TTYH1: variants seen among roughly 807,000 people sequenced by gnomAD.
The protein encoded by TTYH1 is tweety family member 1, also known as protein tweety homolog 1.
TTYH1 carries 33 observed loss-of-function variants against 61.2 expected under a neutral mutation model. The ratio of observed to expected loss-of-function variants is 0.54; its 90% CI spans 0.41 to 0.72. The LOEUF (loss-of-function observed/expected upper bound fraction) is 0.72. Ranked by LOEUF, TTYH1 falls within the 30% of genes least tolerant of loss-of-function variation. TTYH1 has a pLI of 0.00. For missense variants in TTYH1, 538 were observed against 575.8 expected, an observed-to-expected ratio of 0.93 and a Z score of 0.67; for synonymous variants, 308 against 266.4, an observed-to-expected ratio of 1.16 and a Z score of -1.52.
At chr19:54,430,764 C>CG (rs2083421451) in intron 8 of TTYH1, 49 bp from the exon 9 acceptor site, 2 of 1,594,442 alleles carry the variant, frequency 1.3e-6, no homozygotes, top group African/African-American at 2.7e-5. Flanking sequence ...GAGAGAGGGC[C>CG]GGGGGCGTAT....
Position 54,415,796 on chromosome 19 carries a change from C to T in TTYH1, c.126+118C>T, listed in dbSNP as rs2083065276. ...GCTCCGCCGGAGGCTGGGGGCCGGC[C>T]CGGACTTTGGGGTTTCGGAGGGAGG... On this transcript the variant is annotated intron_variant, in intron 1 of 13. Transcript: ENST00000376530. The surrounding 1 kb of genome is among the most constrained non-coding windows in gnomAD (Gnocchi z 5.2). The T allele has an allele frequency of 8.2e-7, 1 of 1,219,884 alleles. No homozygotes were observed. Among genetic ancestry groups the T allele is most frequent in the Admixed American group, 3.1e-5 (1 of 32,154 alleles). The allele number at this position is 1,219,884 out of a possible 1,614,324, so 75.6% of individuals were successfully genotyped here.
chr19:54,426,350 T>TG (rs1199808286), intron 4 of TTYH1: 4 of 348,022 alleles, frequency 1.1e-5, no homozygotes, highest in Non-Finnish European at 2.1e-5. Flanking sequence ...CTCTGCAGGG[T>TG]GGGGTTGGGG....
intron 4 of TTYH1, among the ~76,000 whole-genome samples, chr19:54,426,216 A>T (rs954428836): frequency 6.6e-6 from 1 of 152,140 alleles, no homozygotes; most frequent in Non-Finnish European, 1.5e-5. Flanking sequence ...TACCGAGACA[A>T]GAGTTACCCG....
At position 54,419,219 on chromosome 19, in the gene TTYH1, GGCCCCCCGA is replaced by G. The variant is rs760732952; in HGVS notation, c.227_235del (p.Glu76_Pro78del). The G allele has an allele frequency of 1.9e-6, 3 of 1,610,500 alleles. No individual in the cohort carries two copies. The highest frequency in any genetic ancestry group is 2.5e-6 in the Non-Finnish European group (3 of 1,179,948). On this transcript the variant is annotated inframe_deletion, in exon 2 of 14. Transcript: ENST00000376530. This position sits in a 1 kb window ranked among gnomAD's most constrained non-coding sequence, Gnocchi z 6.1. The stretch of plus-strand genomic sequence containing the variant: ...TACCTCATCCGCTTCTGCTGCTGCC[GGCCCCCCGA>G]GCCCCCCGGGTCCAAGATCCCCTCG...
Position 54,422,324 on chromosome 19 carries a change from G to A in TTYH1, c.552G>A (p.Gln184=), listed in dbSNP as rs1355482335. The A allele has an allele frequency of 4.5e-6, 7 of 1,567,844 alleles. No homozygotes were observed. The highest frequency in any genetic ancestry group is 1.7e-4 in the Middle Eastern group (1 of 5,938). Residue 184 remains glutamine (Q), a synonymous_variant, in exon 4 of 14, where the codon CAG becomes CAA. Transcript: ENST00000376530. ...GACGGCAGGCGGAGGCTGCGGCCCA[G>A]CAGCTGCAGGGGCTGGCCTTCTGGC... ...GARRQAEAAA[Q]QLQGLAFWQG...
At chr19:54,435,776 T>C in intron 11 of TTYH1, 52 bp from the exon 12 acceptor site, 11 of 1,613,212 alleles carry the variant, frequency 6.8e-6, no homozygotes, top group Non-Finnish European at 9.3e-6. Context: ...GGGTGCAGCC[T>C]CCTGATGGGT....
intron 11 of TTYH1, 33 bp downstream of exon 11, chr19:54,435,717 G>A: frequency 1.2e-6 from 2 of 1,609,508 alleles, no homozygotes; most frequent in South Asian, 1.1e-5. Context: ...GTCCTGGGGA[G>A]GGAAGAGGAG....
At chr19:54,417,388 G>A (rs1426501670) in intron 1 of TTYH1, among the ~76,000 whole-genome samples, 3 of 148,132 alleles carry the variant, frequency 2.0e-5, no homozygotes, top group Admixed American at 6.7e-5. Flanking sequence ...ACACACACAC[G>A]CCCACCTACT....
intron 10 of TTYH1, 109 bp from the exon 11 acceptor site, chr19:54,435,433 G>A (rs1599922255): frequency 5.9e-6 from 8 of 1,359,532 alleles, no homozygotes; most frequent in Non-Finnish European, 8.0e-6. Flanking sequence ...AGAGTGGTCA[G>A]TTGACGTGTG....
rs200611339 is a variant in TTYH1 at position 54,423,978 on chromosome 19, C to T, written c.638+1568C>T. ...GAGATCGAGACCATCCTGGCTAACA[C>T]GGTGAAATCCCGTCGCTACTAAAAA... On this transcript the variant is annotated intron_variant, in intron 4 of 13. Transcript: ENST00000376530. Among the ~76,000 whole-genome samples, 44 of 152,056 alleles carry T rather than the reference C, an allele frequency of 2.9e-4. No homozygotes were observed. The East Asian group carries it at 2.9e-3, about 10-fold the overall frequency.
Position 54,416,800 on chromosome 19 carries a change from C to G in TTYH1, c.126+1122C>G, listed in dbSNP as rs1728442142. The G allele has an allele frequency of 2.3e-6, 3 of 1,294,050 alleles. No individual in the cohort carries two copies. In the African/African-American group the frequency reaches 4.6e-5, roughly 20 times the overall value. The allele number at this position is 1,294,050 out of a possible 1,614,324, so 80.2% of individuals were successfully genotyped here. On this transcript the variant is annotated intron_variant, in intron 1 of 13. Coordinates refer to ENST00000376530, the MANE Select transcript of TTYH1 (RefSeq NM_020659.4). This position sits in a 1 kb window ranked among gnomAD's most constrained non-coding sequence, Gnocchi z 7.0. Reference sequence around the variant, plus strand: ...CCCCTCGCCCACAGCCTCGCGGTTACACAACGGCCACCTCCAACAACGCCG... The same window carrying G: ...CCCCTCGCCCACAGCCTCGCGGTTAGACAACGGCCACCTCCAACAACGCCG...
intron 5 of TTYH1, 27 bp downstream of exon 5, chr19:54,426,795 G>A: frequency 1.3e-6 from 2 of 1,595,728 alleles, no homozygotes; most frequent in Non-Finnish European, 1.7e-6. Flanking sequence ...GGGGGACCCA[G>A]TGCTTGCCTG....
chr19:54,431,455 C>T, intron 10 of TTYH1: 2 of 531,280 alleles, frequency 3.8e-6, no homozygotes, highest in Non-Finnish European at 6.7e-6. Flanking sequence ...GTCCCCATCC[C>T]ACCCTCCCCG....
chr19:54,436,066 C>T lies in TTYH1; in HGVS notation c.1315-25C>T. On this transcript the variant is annotated intron_variant, in intron 12 of 13. Coordinates refer to ENST00000376530, the MANE Select transcript of TTYH1 (RefSeq NM_020659.4). The surrounding 1 kb of genome is among the most constrained non-coding windows in gnomAD (Gnocchi z 4.3). ...ATTCCCACTCCATTCCCTCCTCTCCCCCGCTACCCCGAATCTCCTAGCAGG... is the reference window on the plus strand; with the variant it reads ...ATTCCCACTCCATTCCCTCCTCTCCTCCGCTACCCCGAATCTCCTAGCAGG... 1 of 1,612,704 alleles carries T rather than the reference C, an allele frequency of 6.2e-7. No homozygotes were observed.
chr19:54,424,338 ATCATTCAT>A (rs1195159281), intron 4 of TTYH1, among the ~76,000 whole-genome samples: 1 of 152,094 alleles, frequency 6.6e-6, no homozygotes, highest in East Asian at 1.9e-4. Flanking sequence ...ACCATTAGTA[ATCATTCAT>A]TCATTCATTC....
Position 54,416,534 on chromosome 19 carries a change from G to A in TTYH1, c.126+856G>A. ...TGGGGGTGCTGGGAGTCCCGATGTGGCCCCAGGACGGGTCCTGGCCCTGCT... is the reference window on the plus strand; with the variant it reads ...TGGGGGTGCTGGGAGTCCCGATGTGACCCCAGGACGGGTCCTGGCCCTGCT... On this transcript the variant is annotated intron_variant, in intron 1 of 13. Transcript: ENST00000376530. The surrounding 1 kb of genome is among the most constrained non-coding windows in gnomAD (Gnocchi z 7.0). The A allele has an allele frequency of 3.2e-6, 1 of 316,288 alleles. No individual in the cohort carries two copies. Among genetic ancestry groups the A allele is most frequent in the Non-Finnish European group, 6.2e-6 (1 of 162,466 alleles). The allele number at this position is 316,288 out of a possible 1,614,324, so 19.6% of individuals were successfully genotyped here.
intron 10 of TTYH1, chr19:54,433,150 G>C (rs570412055): frequency 3.9e-5 from 6 of 152,320 alleles, no homozygotes; most frequent in African/African-American, 1.4e-4. Flanking sequence ...TGTGGAGGGA[G>C]GGAAGGGAAG....
chr19:54,431,211 A>T lies in TTYH1; in HGVS notation c.1125+20A>T. ...CACAAGGTGAAGCCCCTCCCCTCCC[A>T]ATTTCTTCTCCCACGGGGGGCCTCT... On this transcript the variant is annotated intron_variant, in intron 10 of 13. Coordinates refer to ENST00000376530, the MANE Select transcript of TTYH1 (RefSeq NM_020659.4). The T allele has an allele frequency of 6.3e-7, 1 of 1,587,748 alleles. No homozygotes were observed. Among genetic ancestry groups the T allele is most frequent in the Non-Finnish European group, 8.6e-7 (1 of 1,156,520 alleles).
At chr19:54,423,402 T>C (rs1213906097) in intron 4 of TTYH1, among the ~76,000 whole-genome samples, 1 of 152,072 alleles carries the variant, frequency 6.6e-6, no homozygotes, top group Non-Finnish European at 1.5e-5. Flanking sequence ...TTCACCATGT[T>C]AGCCAGGCTG....
Sources: gnomAD v4.1 joint callset for allele counts (sites outside exome capture counted in the v4.1 genomes callset) on GRCh38, gnomAD v4.1.1 for gene constraint, Gnocchi (gnomAD v3.1) non-coding constraint, MANE v1.5 for transcripts, NCBI Gene and HGNC (gene_info 2026-07-23, HGNC 2026-07-21) for gene names.